Variants in PRKX observed in about 807,000 individuals in gnomAD.
PRKX encodes protein kinase cAMP-dependent X-linked catalytic subunit.
PRKX carries 12 observed loss-of-function variants against 22.0 expected under a neutral mutation model. That is an observed-to-expected ratio of 0.54 (90% confidence interval 0.35 to 0.88). The LOEUF is 0.88. PRKX is among the 40% of genes least tolerant of loss of function. The pLI is 0.01. For synonymous variants in PRKX, 134 were observed against 137.7 expected (o/e 0.97, Z 0.19); for missense variants, 217 against 308.0 (o/e 0.70, Z 2.21).
At chrX:3,687,759 T>C (rs1488361282) in intron 1 of PRKX, among the ~76,000 whole-genome samples, 2 of 104,214 alleles carry the variant, frequency 1.9e-5, no homozygotes, top group African/African-American at 6.8e-5. Context: ...CTCCCTAAAA[T>C]GCAGGAGAAA....
chrX:3,660,055 T>C (rs1411368281), intron 2 of PRKX, among the ~76,000 whole-genome samples: 4 of 112,051 alleles, frequency 3.6e-5, no homozygotes, highest in Non-Finnish European at 7.5e-5. Context: ...GGCAAGAGTG[T>C]TCCTCTCAGT....
chrX:3,681,219 C>T (rs776496348), intron 1 of PRKX, among the ~76,000 whole-genome samples: 233 of 109,190 alleles, frequency 2.1e-3, no homozygotes, highest in Middle Eastern at 9.6e-3. Context: ...CCTATCTCTA[C>T]GAAAAAATAC....
rs1486566843 is a variant in PRKX at position 3,687,129 on chromosome X, C to T, written c.167-12363G>A. 1.5e-4 allele frequency among the ~76,000 whole-genome samples: 17 copies of T among 111,268 alleles called. No homozygotes were observed. In the Admixed American group the frequency reaches 1.6e-3, roughly 11 times the overall value. ...TAAACTCCTGGGCTCAAGCCATCAG[C>T]CCACCTCAGCCTCCCAAGTAGCTGG... On this transcript the variant is annotated intron_variant, in intron 1 of 8. Transcript: ENST00000262848.
intron 6 of PRKX, among the ~76,000 whole-genome samples, chrX:3,619,095 C>T (rs1317944059): frequency 8.9e-6 from 1 of 112,604 alleles, no homozygotes; most frequent in East Asian, 2.8e-4. Context: ...CTGTGAATAT[C>T]ACTTTATTTG....
At chrX:3,643,607 G>A (rs1314546074) in intron 3 of PRKX, among the ~76,000 whole-genome samples, 1 of 110,859 alleles carries the variant, frequency 9.0e-6, no homozygotes, top group East Asian at 2.8e-4. Flanking sequence ...GCCCTGGTGT[G>A]TGGAGCCTGT....
chrX:3,621,015 G>A (rs1317372040), intron 6 of PRKX, among the ~76,000 whole-genome samples: 1 of 111,465 alleles, frequency 9.0e-6, no homozygotes, highest in African/African-American at 3.3e-5. Flanking sequence ...CTTGCTTGAG[G>A]GGAGGGGAGA....
intron 1 of PRKX, among the ~76,000 whole-genome samples, chrX:3,690,747 A>G (rs1230358660): frequency 8.9e-6 from 1 of 112,359 alleles, no homozygotes; most frequent in Non-Finnish European, 1.9e-5. Flanking sequence ...CAACAACAAA[A>G]TACAAAATGT....
chrX:3,615,088 G>A (rs1471645115), intron 7 of PRKX, among the ~76,000 whole-genome samples: 2 of 87,045 alleles, frequency 2.3e-5, no homozygotes, highest in Non-Finnish European at 4.2e-5. Flanking sequence ...GCATAATCTT[G>A]GCTCACTGCA....
intron 1 of PRKX, among the ~76,000 whole-genome samples, chrX:3,682,345 G>A (rs1371856240): frequency 1.8e-5 from 2 of 110,640 alleles, no homozygotes; most frequent in Non-Finnish European, 3.8e-5. Context: ...TGAATGGGGT[G>A]CCCTGGAAAA....
intron 4 of PRKX, among the ~76,000 whole-genome samples, chrX:3,628,281 A>T (rs190242143): frequency 2.7e-5 from 3 of 110,996 alleles, no homozygotes; most frequent in Non-Finnish European, 5.7e-5. Flanking sequence ...GAGGTTTGTT[A>T]AAGGATACAA....
intron 2 of PRKX, among the ~76,000 whole-genome samples, chrX:3,672,089 G>A (rs1927858155): frequency 9.0e-6 from 1 of 111,480 alleles, no homozygotes; most frequent in South Asian, 3.8e-4. Flanking sequence ...CGGCTACTCT[G>A]GAGGCTGAGG....
rs144900615 is a variant in PRKX at position 3,691,117 on chromosome X, G to A, written c.167-16351C>T. Among the ~76,000 whole-genome samples the A allele has an allele frequency of 6.3e-5, 7 of 111,973 alleles. 1 individual carries two copies. The highest frequency in any genetic ancestry group is 3.7e-4 in the South Asian group (1 of 2,678). The stretch of plus-strand genomic sequence containing the variant: ...CTAGGGTCTAGAAAGTCTGAGCCCC[G>A]TACAGAGGGATCAATCACCTTTTAA... On this transcript the variant is annotated intron_variant, in intron 1 of 8. Transcript: ENST00000262848.
chrX:3,622,675 CAG>C (rs1233511007), intron 5 of PRKX, among the ~76,000 whole-genome samples: 1 of 111,935 alleles, frequency 8.9e-6, no homozygotes, highest in African/African-American at 3.2e-5. Flanking sequence ...AAGTAAAACT[CAG>C]AGACCATCTG....
Position 3,605,674 on chromosome X carries a change from C to G in PRKX, c.*3295G>C, listed in dbSNP as rs1472577442. 9.0e-6 allele frequency: 1 copy of G among 111,688 alleles called. No homozygotes were observed. The highest frequency in any genetic ancestry group is 1.9e-5 in the Non-Finnish European group (1 of 53,147). 9.2% of individuals were successfully genotyped at this position (111,688 alleles called of 1,213,427 possible). On this transcript the variant is annotated 3_prime_UTR_variant, in exon 9 of 9. Transcript: ENST00000262848. ...TCTTGTTTTTGCTTTTTCTTCAAAG[C>G]AAACAAATGATTTGGTCTTTAAGTA...
chrX:3,698,022 A>G (rs1360089449), intron 1 of PRKX, among the ~76,000 whole-genome samples: 1 of 112,280 alleles, frequency 8.9e-6, no homozygotes, highest in African/African-American at 3.2e-5. Context: ...CAAGAACACC[A>G]GGCAGCCAGC....
At position 3,648,606 on chromosome X, in the gene PRKX, CTGTGTGTGTGTGTGTGTG is replaced by C. The variant is rs58698248; in HGVS notation, c.599+6525_599+6542del. On this transcript the variant is annotated intron_variant, in intron 3 of 8. Coordinates refer to ENST00000262848, the MANE Select transcript of PRKX (RefSeq NM_005044.5). ...TCAATGTGAATTACTCTCTCTACTC[CTGTGTGTGTGTGTGTGTG>C]TGTGTGTGTGTGTGTGTGTGTGTGT... Among the ~76,000 whole-genome samples, 620 of 72,230 alleles carry C rather than the reference CTGTGTGTGTGTGTGTGTG, an allele frequency of 8.6e-3. 4 individuals are homozygous for C. Among genetic ancestry groups the C allele is most frequent in the African/African-American group, 0.023 (386 of 17,003 alleles). 62.7% of individuals were successfully genotyped at this position (72,230 alleles called of 115,157 possible). A position where few individuals can be genotyped will look rare whatever the true frequency, so the allele number is the denominator to read the frequency against.
At chrX:3,663,469 A>ACACAC (rs1569054438) in intron 2 of PRKX, among the ~76,000 whole-genome samples, 4,930 of 52,714 alleles carry the variant, frequency 0.094, 271 homozygotes, top group Non-Finnish European at 0.11. Flanking sequence ...CACACACACA[A>ACACAC]AAAAATTCAA....
At chrX:3,678,615 C>A (rs1332669729) in intron 1 of PRKX, among the ~76,000 whole-genome samples, 9 of 112,229 alleles carry the variant, frequency 8.0e-5, no homozygotes, top group African/African-American at 2.9e-4. Context: ...TATTGTCAGT[C>A]CCGCCAACGC....
intron 2 of PRKX, among the ~76,000 whole-genome samples, chrX:3,669,316 C>CTCCATCCATCCA (rs55930956): frequency 9.7e-6 from 1 of 102,654 alleles, no homozygotes; most frequent in Non-Finnish European, 2.0e-5. Flanking sequence ...CAATGTTGAT[C>CTCCATCCATCCA]TCCATCCATC....
Sources: gnomAD v4.1 joint callset for allele counts (sites outside exome capture counted in the v4.1 genomes callset) on GRCh38, gnomAD v4.1.1 for gene constraint, MANE v1.5 for transcripts, NCBI Gene and HGNC (gene_info 2026-07-23, HGNC 2026-07-21) for gene names.